The following SHISA9 variants were observed in gnomAD, a reference collection of about 807,000 sequenced individuals.
SHISA9 encodes shisa family member 9.
Under a neutral mutation model 38.0 loss-of-function variants are expected in SHISA9, and 13 were observed. That is an observed-to-expected ratio of 0.34 (90% CI 0.22 to 0.54). The LOEUF (loss-of-function observed/expected upper bound fraction) is 0.54, where lower values mean the gene tolerates loss of function less well. SHISA9 is among the 20% of genes least tolerant of loss of function. SHISA9 has a pLI of 0.91. For synonymous variants in SHISA9, 275 were observed against 242.0 expected, an observed-to-expected ratio of 1.14 and a Z score of -1.27; for missense variants, 538 against 575.8, an observed-to-expected ratio of 0.93 and a Z score of 0.67.
intron 2 of SHISA9, among the ~76,000 whole-genome samples, chr16:13,009,683 G>A (rs1270258667): frequency 6.6e-6 from 1 of 152,160 alleles, no homozygotes; most frequent in East Asian, 1.9e-4. Flanking sequence ...AAAAATCACA[G>A]AATCCCAGAA....
the SHISA9 span, among the ~76,000 whole-genome samples, chr16:13,281,048 A>G: frequency 6.6e-6 from 1 of 151,724 alleles, no homozygotes; most frequent in Admixed American, 6.6e-5. Flanking sequence ...TGCCATGTAG[A>G]TACTGTGCGA....
intron 2 of SHISA9, among the ~76,000 whole-genome samples, chr16:13,104,776 G>A (rs1567213513): frequency 1.3e-5 from 2 of 152,080 alleles, no homozygotes; most frequent in African/African-American, 2.4e-5. Flanking sequence ...GAGGATAATC[G>A]AAATTCTATA....
intron 2 of SHISA9, among the ~76,000 whole-genome samples, chr16:12,997,802 C>A (rs1020932852): frequency 6.6e-6 from 1 of 152,198 alleles, no homozygotes; most frequent in Non-Finnish European, 1.5e-5. Context: ...GGTGCTCACT[C>A]ACTGAGGCCC....
At chr16:13,265,702 T>C in the SHISA9 span, among the ~76,000 whole-genome samples, 1 of 151,832 alleles carries the variant, frequency 6.6e-6, no homozygotes, top group Non-Finnish European at 1.5e-5. Context: ...TCAAACCATG[T>C]GATATATGCT....
intron 2 of SHISA9, among the ~76,000 whole-genome samples, chr16:13,015,746 A>G (rs1004922008): frequency 6.6e-6 from 1 of 151,948 alleles, no homozygotes; most frequent in Admixed American, 6.6e-5. Flanking sequence ...GGAGTAGCTG[A>G]TTCATCAACA....
chr16:13,182,676 T>C (rs1187643928), intron 2 of SHISA9, among the ~76,000 whole-genome samples: 1 of 152,252 alleles, frequency 6.6e-6, no homozygotes, highest in Non-Finnish European at 1.5e-5. Context: ...TGAACCACTC[T>C]ACAACTTAAT....
At chr16:13,153,392 A>G (rs2050516204) in intron 2 of SHISA9, among the ~76,000 whole-genome samples, 1 of 152,184 alleles carries the variant, frequency 6.6e-6, no homozygotes, top group Non-Finnish European at 1.5e-5. Context: ...GGAGAATTGG[A>G]GAATCACAAT....
At chr16:13,419,276 A>G in the SHISA9 span, among the ~76,000 whole-genome samples, 1 of 152,252 alleles carries the variant, frequency 6.6e-6, no homozygotes, top group African/African-American at 2.4e-5. Flanking sequence ...ATAAGCTCCA[A>G]GAAAGAAGAC....
rs1149418 is a variant in SHISA9, at chr16:13,164,269, T to A, written c.692-39125T>A. On this transcript the variant is annotated intron_variant, in intron 2 of 4. Coordinates refer to ENST00000558583, the MANE Select transcript of SHISA9 (RefSeq NM_001145204.3). ...CTTATGGCTGTTCTTGTTTAGACTGTTAATATTATGAATTACATGGATTGA... is the reference window on the plus strand; with the variant it reads ...CTTATGGCTGTTCTTGTTTAGACTGATAATATTATGAATTACATGGATTGA... 3.8e-3 allele frequency among the ~76,000 whole-genome samples: 581 copies of A among 152,188 alleles called. 10 individuals carry two copies. In the East Asian group the frequency reaches 0.059, roughly 16 times the overall value.
chr16:13,078,490 C>G, intron 2 of SHISA9, among the ~76,000 whole-genome samples: 1 of 152,052 alleles, frequency 6.6e-6, no homozygotes, highest in East Asian at 1.9e-4. Flanking sequence ...ACTGCAACCT[C>G]TGCCCCTGGG....
intron 2 of SHISA9, among the ~76,000 whole-genome samples, chr16:12,992,104 T>G (rs1368099146): frequency 6.6e-6 from 1 of 152,176 alleles, no homozygotes; most frequent in Admixed American, 6.5e-5. Context: ...TATTTCATAA[T>G]AACAACTATC....
the SHISA9 span, among the ~76,000 whole-genome samples, chr16:13,266,207 A>G: frequency 1.3e-5 from 2 of 152,204 alleles, no homozygotes; most frequent in African/African-American, 4.8e-5. Flanking sequence ...CACATTCCCA[A>G]AGGCAAGGGA....
chr16:13,400,360 TCCA>T, the SHISA9 span, among the ~76,000 whole-genome samples: 1 of 110,866 alleles, frequency 9.0e-6, no homozygotes, highest in South Asian at 2.3e-4. Context: ...TTCCCTCTGT[TCCA>T]ACACACACAC....
Position 13,073,709 on chromosome 16 carries a change from G to A in SHISA9, c.692-129685G>A, listed in dbSNP as rs149478804. Among the ~76,000 whole-genome samples, 9 of 152,310 alleles carry A rather than the reference G, an allele frequency of 5.9e-5. No homozygotes were observed. In the East Asian group the frequency reaches 1.7e-3, roughly 29 times the overall value. ...TGAGATGAGGTTATCCTGGATAAGG[G>A]TGAGTCCTCAAACCAATGACAAGTG... On this transcript the variant is annotated intron_variant, in intron 2 of 4. Coordinates refer to ENST00000558583, the MANE Select transcript of SHISA9 (RefSeq NM_001145204.3).
chr16:13,500,738 C>T, the SHISA9 span, among the ~76,000 whole-genome samples: 2 of 152,024 alleles, frequency 1.3e-5, no homozygotes, highest in African/African-American at 2.4e-5. Context: ...GAGGATGTAC[C>T]AGTTAGTTAT....
the SHISA9 span, among the ~76,000 whole-genome samples, chr16:13,364,481 A>T: frequency 1.3e-5 from 2 of 152,246 alleles, no homozygotes; most frequent in African/African-American, 2.4e-5. Context: ...AATATGCAAG[A>T]TGGTTCTTTT....
chr16:12,963,387 A>G (rs1245490869), intron 2 of SHISA9, among the ~76,000 whole-genome samples: 1 of 152,164 alleles, frequency 6.6e-6, no homozygotes, highest in African/African-American at 2.4e-5. Flanking sequence ...TGTCTTCAGG[A>G]GCTCCTAGTG....
chr16:13,195,915 C>G (rs1254721520), intron 2 of SHISA9, among the ~76,000 whole-genome samples: 2 of 151,138 alleles, frequency 1.3e-5, no homozygotes, highest in Non-Finnish European at 2.9e-5. Context: ...TGGTGAAACC[C>G]TGTCTCTACT....
At chr16:12,967,911 CAGGCATGG>C (rs1400171198) in intron 2 of SHISA9, among the ~76,000 whole-genome samples, 1 of 152,066 alleles carries the variant, frequency 6.6e-6, no homozygotes, top group Non-Finnish European at 1.5e-5. Flanking sequence ...AGAGCTAAGC[CAGGCATGG>C]TGGCTCATGC....
Sources: gnomAD v4.1 joint callset for allele counts (sites outside exome capture counted in the v4.1 genomes callset) on GRCh38, gnomAD v4.1.1 for gene constraint, MANE v1.5 for transcripts, NCBI Gene and HGNC (gene_info 2026-07-23, HGNC 2026-07-21) for gene names.